LRRC52: variants seen among roughly 807,000 people sequenced by gnomAD.
The protein encoded by LRRC52 is leucine-rich repeat-containing protein 52.
Under a neutral mutation model 14.7 loss-of-function variants are expected in LRRC52, and 15 were observed. The observed-to-expected ratio is 1.02, with a 90% confidence interval of 0.68 to 1.58. The LOEUF is 1.58. Among genes scored for constraint, LRRC52 ranks in the 40% most tolerant of loss-of-function variants. The pLI is 0.00. For missense variants in LRRC52, 400 were observed against 387.7 expected, an observed-to-expected ratio of 1.03 and a Z score of -0.27; for synonymous variants, 180 against 163.9, an observed-to-expected ratio of 1.10 and a Z score of -0.75.
chr1:165,563,466 GC>G (rs1557968540), intron 1 of LRRC52, 38 bp from the exon 2 acceptor site: 1 of 1,565,862 alleles, frequency 6.4e-7, no homozygotes, highest in East Asian at 2.3e-5. Flanking sequence ...TGGGAGTCAC[GC>G]TGTTTCAGCA....
chr1:165,554,243 TGAGTGTCACAC>T (rs1369856248), intron 1 of LRRC52, among the ~76,000 whole-genome samples: 3 of 152,190 alleles, frequency 2.0e-5, no homozygotes, highest in African/African-American at 7.2e-5. Flanking sequence ...GCAGTGATTC[TGAGTGTCACAC>T]GAGATGCAGA....
At chr1:165,552,212 T>C (rs761680374) in intron 1 of LRRC52, among the ~76,000 whole-genome samples, 2 of 152,078 alleles carry the variant, frequency 1.3e-5, no homozygotes, top group African/African-American at 2.4e-5. Context: ...TTGGGATCCC[T>C]GAGAGTAGGT....
At chr1:165,561,409 A>T (rs1472626058) in intron 1 of LRRC52, among the ~76,000 whole-genome samples, 1 of 152,126 alleles carries the variant, frequency 6.6e-6, no homozygotes, top group East Asian at 1.9e-4. Context: ...TGGGCAGGTG[A>T]CCTGAGCTCT....
intron 1 of LRRC52, among the ~76,000 whole-genome samples, chr1:165,550,604 T>C (rs1203256131): frequency 2.0e-5 from 3 of 152,174 alleles, no homozygotes; most frequent in Non-Finnish European, 2.9e-5. Context: ...CACAGAGATA[T>C]CCTGACATCC....
At chr1:165,556,344 T>C (rs1016158487) in intron 1 of LRRC52, among the ~76,000 whole-genome samples, 1 of 152,046 alleles carries the variant, frequency 6.6e-6, no homozygotes, top group Non-Finnish European at 1.5e-5. Flanking sequence ...CATGAGTCTA[T>C]GAATCACTTT....
chr1:165,562,892 C>CG (rs1436570579), intron 1 of LRRC52, among the ~76,000 whole-genome samples: 1 of 151,806 alleles, frequency 6.6e-6, no homozygotes, highest in Non-Finnish European at 1.5e-5. Context: ...TGACTTGCTC[C>CG]GGGGGGAAAG....
At chr1:165,555,331 G>C (rs1287381220) in intron 1 of LRRC52, among the ~76,000 whole-genome samples, 2 of 152,160 alleles carry the variant, frequency 1.3e-5, no homozygotes, top group East Asian at 3.9e-4. Flanking sequence ...GGTCTTTCTA[G>C]ACCAAGGGGA....
At chr1:165,551,608 T>C (rs1375506332) in intron 1 of LRRC52, among the ~76,000 whole-genome samples, 1 of 152,084 alleles carries the variant, frequency 6.6e-6, no homozygotes, top group Non-Finnish European at 1.5e-5. Context: ...CAGTACTAAA[T>C]GAGCCTGATG....
At chr1:165,551,337 G>A (rs1557964293) in intron 1 of LRRC52, among the ~76,000 whole-genome samples, 1 of 152,210 alleles carries the variant, frequency 6.6e-6, no homozygotes, top group Non-Finnish European at 1.5e-5. Context: ...CATGCCGGTT[G>A]TCCTTAGGCC....
chr1:165,551,226 T>C, intron 1 of LRRC52, among the ~76,000 whole-genome samples: 1 of 152,178 alleles, frequency 6.6e-6, no homozygotes, highest in East Asian at 1.9e-4. Flanking sequence ...TGCCCCAGAC[T>C]TTCCTCCCAG....
chr1:165,556,393 G>T (rs1661234542), intron 1 of LRRC52, among the ~76,000 whole-genome samples: 1 of 151,770 alleles, frequency 6.6e-6, no homozygotes, highest in African/African-American at 2.4e-5. Context: ...TACAAGGGGG[G>T]GAAATTGTGA....
chr1:165,544,134 T>A lies in LRRC52; in HGVS notation c.-163T>A. The stretch of plus-strand genomic sequence containing the variant: ...CAGGGCATTGAGCCTCGCGTTTCAA[T>A]TTCTGTTCAGTTCTCCTGTAATGGA... On this transcript the variant is annotated 5_prime_UTR_variant, in exon 1 of 2. Transcript: ENST00000294818. 1.1e-6 allele frequency: 1 copy of A among 882,300 alleles called. No homozygotes were observed. The highest frequency in any genetic ancestry group is 2.9e-5 in the Admixed American group (1 of 34,938). 54.7% of individuals were successfully genotyped at this position (882,300 alleles called of 1,614,324 possible). A position where few individuals can be genotyped will look rare whatever the true frequency, so the allele number is the denominator to read the frequency against.
intron 1 of LRRC52, among the ~76,000 whole-genome samples, chr1:165,550,752 G>A (rs541920252): frequency 9.2e-5 from 14 of 151,880 alleles, no homozygotes; most frequent in African/African-American, 2.4e-4. Flanking sequence ...CTGTTTCACC[G>A]AGAAAAAAAG....
At chr1:165,562,416 C>A (rs1347056244) in intron 1 of LRRC52, among the ~76,000 whole-genome samples, 2 of 152,158 alleles carry the variant, frequency 1.3e-5, no homozygotes, top group Non-Finnish European at 2.9e-5. Context: ...CACAAGCACT[C>A]AGCCTCAGCA....
chr1:165,544,790 T>G lies in LRRC52; in HGVS notation c.494T>G (p.Leu165Arg). 6.2e-7 allele frequency: 1 copy of G among 1,614,116 alleles called. No homozygotes were observed. The highest frequency in any genetic ancestry group is 8.5e-7 in the Non-Finnish European group (1 of 1,180,014). The change falls in exon 1 of 2, where the codon CTG (leucine) becomes CGG (arginine). Residue 165 changes from leucine (L) to arginine (R), a missense_variant. Coordinates refer to ENST00000294818, the MANE Select transcript of LRRC52 (RefSeq NM_001005214.4). ...LDLRNTGLQTLDSAALYHLTT... is the reference protein window; with the variant it reads ...LDLRNTGLQTRDSAALYHLTT... Reference sequence around the variant, plus strand: ...CTCAGAAATACCGGCTTGCAGACCCTGGACAGTGCTGCCTTATACCACCTC... The same window carrying G: ...CTCAGAAATACCGGCTTGCAGACCCGGGACAGTGCTGCCTTATACCACCTC...
At chr1:165,548,912 T>C (rs1661076437) in intron 1 of LRRC52, among the ~76,000 whole-genome samples, 1 of 152,166 alleles carries the variant, frequency 6.6e-6, no homozygotes, top group South Asian at 2.1e-4. Flanking sequence ...AGCAGTGGAC[T>C]TCAGGAAGGC....
rs748455191 is a variant in LRRC52 at position 165,544,881 on chromosome 1, C to T, written c.585C>T (p.Phe195=). The T allele has an allele frequency of 8.7e-6, 14 of 1,613,902 alleles. No homozygotes were observed. Among genetic ancestry groups the T allele is most frequent in the East Asian group, 6.7e-5 (3 of 44,892 alleles). Residue 195 remains phenylalanine, a synonymous_variant, in exon 1 of 2, where the codon TTC becomes TTT. Transcript: ENST00000294818. The part of the protein sequence containing the change: ...PWKCNCSFLD[F]AIFLIVFHMD... ...AGTGCAACTGCTCTTTCCTGGACTT[C>T]GCCATCTTCTTAATAGTGTTCCATA...
chr1:165,554,726 G>A (rs371303529), intron 1 of LRRC52, among the ~76,000 whole-genome samples: 39 of 152,224 alleles, frequency 2.6e-4, no homozygotes, highest in African/African-American at 7.0e-4. Context: ...CACTGCACCC[G>A]GCCAATGATA....
intron 1 of LRRC52, 26 bp from the exon 2 acceptor site, chr1:165,563,479 C>G: frequency 1.9e-6 from 3 of 1,589,302 alleles, no homozygotes; most frequent in Non-Finnish European, 2.6e-6. Flanking sequence ...GTTTCAGCAC[C>G]CTGCCTGCTG....
Sources: gnomAD v4.1 joint callset for allele counts (sites outside exome capture counted in the v4.1 genomes callset) on GRCh38, gnomAD v4.1.1 for gene constraint, MANE v1.5 for transcripts, NCBI Gene and HGNC (gene_info 2026-07-23, HGNC 2026-07-21) for gene names.